The following CSNK1G2 variants were observed in gnomAD, a reference collection of about 807,000 sequenced individuals.
The protein encoded by CSNK1G2 is casein kinase I isoform gamma-2.
A neutral mutation model predicts 48.0 loss-of-function variants in CSNK1G2; 11 were observed. That is an observed-to-expected ratio of 0.23 (90% CI 0.14 to 0.38). CSNK1G2 has a LOEUF of 0.38. CSNK1G2 is among the 10% of genes least tolerant of loss of function. The probability of loss-of-function intolerance (pLI) is 1.00; values close to 1 mark genes in which losing one functional copy is unlikely to be tolerated. For synonymous variants in CSNK1G2, 337 were observed against 254.1 expected (o/e 1.33, Z -3.10); for missense variants, 446 against 595.5 (o/e 0.75, Z 2.61).
At chr19:1,949,051 G>A (rs1358364069) in intron 1 of CSNK1G2, among the ~76,000 whole-genome samples, 1 of 152,202 alleles carries the variant, frequency 6.6e-6, no homozygotes, top group Non-Finnish European at 1.5e-5. Context: ...GTGGCAGAGC[G>A]GGAAGGAGCC....
At chr19:1,972,036 TG>T (rs937134090) in intron 2 of CSNK1G2, among the ~76,000 whole-genome samples, 3 of 152,198 alleles carry the variant, frequency 2.0e-5, no homozygotes, top group African/African-American at 7.2e-5. Flanking sequence ...CCCAAAGTGC[TG>T]GGATTACAGG....
rs577776210 is a variant in CSNK1G2, at chr19:1,979,954, C to T, written c.1130C>T (p.Thr377Met). Residue 377 changes from threonine (T) to methionine (M), a missense_variant, in exon 11 of 12, where the codon ACG becomes ATG. This residue lies in a region of CSNK1G2 where 188 missense variants were observed against 179.6 expected (regional missense o/e 1.05). Coordinates refer to ENST00000255641, the MANE Select transcript of CSNK1G2 (RefSeq NM_001319.7). ...TNGELNADDP[T>M]AGHSNAPITA... is the part of the protein sequence containing the mutation. Reference sequence around the variant, plus strand: ...GGGGAGCTGAATGCGGACGACCCCACGGCCGGCCACTCCAACGCCCCGATC... The same window carrying T: ...GGGGAGCTGAATGCGGACGACCCCATGGCCGGCCACTCCAACGCCCCGATC... 6 of 1,597,548 alleles carry T rather than the reference C, an allele frequency of 3.8e-6. No individual in the cohort carries two copies. Among genetic ancestry groups the T allele is most frequent in the Admixed American group, 1.7e-5 (1 of 58,512 alleles).
chr19:1,969,084 G>A (rs924591637), intron 1 of CSNK1G2, among the ~76,000 whole-genome samples: 4 of 152,180 alleles, frequency 2.6e-5, no homozygotes, highest in African/African-American at 7.2e-5. Context: ...TTCCCAGAGC[G>A]GCCCTGGGCC....
chr19:1,949,474 A>G (rs2014685972), intron 1 of CSNK1G2, among the ~76,000 whole-genome samples: 1 of 152,116 alleles, frequency 6.6e-6, no homozygotes, highest in Admixed American at 6.5e-5. Context: ...CCCGCGTCCG[A>G]GTCTCGCTCC....
At position 1,978,398 on chromosome 19, in the gene CSNK1G2, G is replaced by C. The variant is rs2277736; in HGVS notation, c.229-44G>C. On this transcript the variant is annotated intron_variant, in intron 3 of 11. Transcript: ENST00000255641. The surrounding 1 kb of genome is among the most constrained non-coding windows in gnomAD (Gnocchi z 7.3). ...GCTGACGTGCCCCCCAGGGATTTCA[G>C]GGCAGCGACCCGGTCCCCTGGTGAC... The C allele has an allele frequency of 0.02, 31,605 of 1,612,314 alleles. 423 individuals are homozygous for C. Among genetic ancestry groups the C allele is most frequent in the Admixed American group, 0.061 (3,634 of 59,976 alleles).
intron 1 of CSNK1G2, among the ~76,000 whole-genome samples, chr19:1,965,036 C>A (rs1182871248): frequency 6.7e-6 from 1 of 148,942 alleles, no homozygotes; most frequent in Non-Finnish European, 1.5e-5. Flanking sequence ...AAAAAGATTT[C>A]TTTCAAAATA....
In CSNK1G2 at chr19:1,979,198, C is replaced by T. The variant is rs1217390286; in HGVS notation, c.718C>T (p.His240Tyr). The change falls in exon 7 of 12, where the codon CAC (histidine) becomes TAC (tyrosine). Residue 240 changes from histidine to tyrosine, a missense_variant. His to Tyr is a moderately conservative substitution (Grantham distance 83). Around this residue, in one of 2 missense-constraint regions of CSNK1G2, gnomAD observed 258 missense variants for 415.9 expected, o/e 0.62. Coordinates refer to ENST00000255641, the MANE Select transcript of CSNK1G2 (RefSeq NM_001319.7). ...SRRDDLEALGHMFMYFLRGSL... is the reference protein window; with the variant it reads ...SRRDDLEALGYMFMYFLRGSL... ...CCGCGACGACCTGGAGGCGCTGGGC[C>T]ACATGTTCATGTACTTCCTGCGCGG... 3 of 1,542,718 alleles carry T rather than the reference C, an allele frequency of 1.9e-6. No homozygotes were observed. Among genetic ancestry groups the T allele is most frequent in the Non-Finnish European group, 2.6e-6 (3 of 1,142,236 alleles).
At chr19:1,979,431 T>TGGGGGGG in intron 8 of CSNK1G2, 28 bp downstream of exon 8, 1 of 938,050 alleles carries the variant, frequency 1.1e-6, no homozygotes, top group Non-Finnish European at 1.6e-6. Flanking sequence ...CCCCGCCCTG[T>TGGGGGGG]GCCCCCCACC....
intron 2 of CSNK1G2, chr19:1,974,592 TG>T (rs2015688711): frequency 1.3e-5 from 2 of 152,260 alleles, no homozygotes; most frequent in Admixed American, 1.3e-4. Flanking sequence ...ACAGCCTCAC[TG>T]GGCGTGGCCG....
At chr19:1,977,916 C>G (rs1181788118) in intron 2 of CSNK1G2, among the ~76,000 whole-genome samples, 4 of 152,122 alleles carry the variant, frequency 2.6e-5, no homozygotes, top group African/African-American at 9.7e-5. Context: ...CTGGGGCTCA[C>G]CTGGGGGCCG....
At chr19:1,944,654 C>G (rs2014488226) in intron 1 of CSNK1G2, among the ~76,000 whole-genome samples, 1 of 146,752 alleles carries the variant, frequency 6.8e-6, no homozygotes, top group Admixed American at 7.0e-5. Context: ...GTGCAGCCGT[C>G]TGCTGGGTGG....
At position 1,979,327 on chromosome 19, in the gene CSNK1G2, G is replaced by A. The variant is rs142134343; in HGVS notation, c.777G>A (p.Thr259=). 1,325 of 1,602,136 alleles carry A rather than the reference G, an allele frequency of 8.3e-4. 7 individuals are homozygous for A. In the Middle Eastern group the frequency reaches 0.013, roughly 15 times the overall value. Residue 259 remains threonine (T), a synonymous_variant, in exon 8 of 12, where the codon ACG becomes ACA. Transcript: ENST00000255641. The part of the protein sequence containing the change: ...SLPWQGLKAD[T]LKERYQKIGD... Reference sequence around the variant, plus strand: ...ACCACAGACCCCCGCAGGCCGACACGCTCAAGGAGCGGTACCAGAAGATCG... The same window carrying A: ...ACCACAGACCCCCGCAGGCCGACACACTCAAGGAGCGGTACCAGAAGATCG...
chr19:1,960,682 G>GT (rs1047251085), intron 1 of CSNK1G2, among the ~76,000 whole-genome samples: 1 of 152,202 alleles, frequency 6.6e-6, no homozygotes, highest in African/African-American at 2.4e-5. Flanking sequence ...GAAGTCGGGA[G>GT]TTTGAGACCA....
intron 1 of CSNK1G2, among the ~76,000 whole-genome samples, chr19:1,963,524 T>C (rs1021775840): frequency 2.0e-5 from 3 of 151,896 alleles, no homozygotes; most frequent in African/African-American, 7.3e-5. Flanking sequence ...TTTTCTTTCT[T>C]TGAGGCAGTG....
At position 1,941,362 on chromosome 19, in the gene CSNK1G2, TGAGGCCGGGCCGGCCGCCCA is replaced by T. The variant is rs2014350667; in HGVS notation, c.-319_-300del. ...GGAGCGGGGGTCCGCGCTGCGCTGCTGAGGCCGGGCCGGCCGCCCAGACGCTGCCCGCGGGCCCGGCCACG... is the reference window on the plus strand; with the variant it reads ...GGAGCGGGGGTCCGCGCTGCGCTGCTGACGCTGCCCGCGGGCCCGGCCACG... On this transcript the variant is annotated 5_prime_UTR_variant, in exon 1 of 12. An upstream open reading frame in the 5' UTR gains an earlier in-frame stop. Transcript: ENST00000255641. 1 of 147,274 alleles carries T rather than the reference TGAGGCCGGGCCGGCCGCCCA, an allele frequency of 6.8e-6. No homozygotes were observed. Among genetic ancestry groups the T allele is most frequent in the Non-Finnish European group, 1.5e-5 (1 of 66,160 alleles). The allele number at this position is 147,274 out of a possible 1,614,324, so 9.1% of individuals were successfully genotyped here. A position where few individuals can be genotyped will look rare whatever the true frequency, so the allele number is the denominator to read the frequency against.
intron 2 of CSNK1G2, chr19:1,975,066 G>C (rs1303360540): frequency 1.0e-6 from 1 of 985,362 alleles, no homozygotes; most frequent in Non-Finnish European, 1.2e-6. Context: ...TGACACGCCA[G>C]CCGCACACAG....
intron 1 of CSNK1G2, among the ~76,000 whole-genome samples, chr19:1,967,599 C>G (rs889265267): frequency 6.6e-6 from 1 of 152,058 alleles, no homozygotes; most frequent in Non-Finnish European, 1.5e-5. Context: ...AGGTGACAGC[C>G]GCGTCCCTGG....
In CSNK1G2 at chr19:1,969,660, C is replaced by T. The variant is rs2015497813; in HGVS notation, c.-113C>T. 2.0e-6 allele frequency: 2 copies of T among 985,356 alleles called. No individual in the cohort carries two copies. The highest frequency in any genetic ancestry group is 4.3e-5 in the Admixed American group (1 of 23,362). 61.0% of individuals were successfully genotyped at this position (985,356 alleles called of 1,614,324 possible). On this transcript the variant is annotated 5_prime_UTR_variant, in exon 2 of 12. Transcript: ENST00000255641. ...TGGGAGCCACGGGCCCACGCCCGCC[C>T]ACCGGCCGCAGTGATGTTCTAGCCA...
At chr19:1,949,950 G>A (rs1211140879) in intron 1 of CSNK1G2, among the ~76,000 whole-genome samples, 2 of 152,166 alleles carry the variant, frequency 1.3e-5, no homozygotes, top group South Asian at 2.1e-4. Flanking sequence ...TGACGAGCAC[G>A]GCCAGTGGGA....
Sources: gnomAD v4.1 joint callset for allele counts (sites outside exome capture counted in the v4.1 genomes callset) on GRCh38, gnomAD v4.1.1 for gene constraint, gnomAD v4.1.1 regional missense constraint, Gnocchi (gnomAD v3.1) non-coding constraint, MANE v1.5 for transcripts, NCBI Gene and HGNC (gene_info 2026-07-23, HGNC 2026-07-21) for gene names.